Variants in SAMD3 observed in about 807,000 individuals in gnomAD.
SAMD3 encodes sterile alpha motif domain-containing protein 3.
A neutral mutation model predicts 58.5 loss-of-function variants in SAMD3; 63 were observed. The ratio of observed to expected loss-of-function variants is 1.08; its 90% CI spans 0.88 to 1.33. SAMD3 has a LOEUF of 1.33. SAMD3 is among the 40% of genes most tolerant of loss of function. The pLI, the probability that SAMD3 is intolerant of heterozygous loss-of-function variation, is 0.00. For missense variants in SAMD3, 604 were observed against 608.4 expected, an observed-to-expected ratio of 0.99 and a Z score of 0.08; for synonymous variants, 220 against 210.3, an observed-to-expected ratio of 1.05 and a Z score of -0.40.
intron 2 of SAMD3, among the ~76,000 whole-genome samples, chr6:130,263,986 G>A (rs1407303256): frequency 6.6e-6 from 1 of 152,188 alleles, no homozygotes; most frequent in East Asian, 1.9e-4. Context: ...GAGGATCATG[G>A]AAGTTAAAGA....
rs542975794 is a variant in SAMD3 at position 130,311,367 on chromosome 6, G to A, written c.-188+1611C>T. Reference sequence around the variant, plus strand: ...AGTTATTGCCCTCCTGAAGGCACAGGCAAGGAGGGGTTCCTCCAGCCTACT... The same window carrying A: ...AGTTATTGCCCTCCTGAAGGCACAGACAAGGAGGGGTTCCTCCAGCCTACT... On this transcript the variant is annotated intron_variant, in intron 2 of 13. Coordinates refer to the SAMD3 transcript ENST00000368134. Among the ~76,000 whole-genome samples, 256 of 152,300 alleles carry A rather than the reference G, an allele frequency of 1.7e-3. 1 individual carries two copies. Among genetic ancestry groups the A allele is most frequent in the African/African-American group, 5.5e-3 (229 of 41,562 alleles).
At chr6:130,145,134 C>T (rs1294989337) in intron 11 of SAMD3, among the ~76,000 whole-genome samples, 1 of 152,134 alleles carries the variant, frequency 6.6e-6, no homozygotes, top group Admixed American at 6.5e-5. Flanking sequence ...TGGTGCATGC[C>T]TATAATCCCA....
intron 2 of SAMD3, among the ~76,000 whole-genome samples, chr6:130,279,487 CTT>C (rs397886882): frequency 0.17 from 20,630 of 122,936 alleles, 1,275 homozygotes; most frequent in East Asian, 0.32. Flanking sequence ...TCAATTAAAC[CTT>C]TTTTTTTTTT....
chr6:130,329,255 G>A (rs7757227), intron 1 of SAMD3, among the ~76,000 whole-genome samples: 2,771 of 107,304 alleles, frequency 0.026, 80 homozygotes, highest in African/African-American at 0.12. Context: ...CAGAATCAAT[G>A]AATCTCAAAA....
At chr6:130,219,314 A>T (rs536544622) in intron 1 of SAMD3, among the ~76,000 whole-genome samples, 8 of 149,052 alleles carry the variant, frequency 5.4e-5, no homozygotes, top group Admixed American at 1.4e-4. Flanking sequence ...CATTTTTTTT[A>T]AATTACAGGG....
chr6:130,295,417 C>T (rs144606229), intron 2 of SAMD3, among the ~76,000 whole-genome samples: 119 of 152,258 alleles, frequency 7.8e-4, no homozygotes, highest in Middle Eastern at 6.8e-3. Flanking sequence ...CAACTACATC[C>T]ACTAGATAAA....
chr6:130,362,690 A>G (rs1179036559), intron 1 of SAMD3, among the ~76,000 whole-genome samples: 1 of 152,220 alleles, frequency 6.6e-6, no homozygotes, highest in Admixed American at 6.5e-5. Context: ...TGATTATCTA[A>G]TATAGATGAT....
At chr6:130,182,220 T>G (rs545540590) in intron 7 of SAMD3, among the ~76,000 whole-genome samples, 1 of 151,890 alleles carries the variant, frequency 6.6e-6, no homozygotes, top group Non-Finnish European at 1.5e-5. Flanking sequence ...GCCAGGTTTG[T>G]GTAGTATTGT....
intron 1 of SAMD3, among the ~76,000 whole-genome samples, chr6:130,349,008 T>G (rs866651075): frequency 6.6e-6 from 1 of 151,878 alleles, no homozygotes; most frequent in Admixed American, 6.6e-5. Context: ...AAGGCAGAAA[T>G]AAAGATGTTC....
chr6:130,317,767 C>T (rs1266993161), intron 1 of SAMD3, among the ~76,000 whole-genome samples: 1 of 152,118 alleles, frequency 6.6e-6, no homozygotes, highest in Non-Finnish European at 1.5e-5. Context: ...TGTGTGCCGG[C>T]AACAAAGGAC....
intron 2 of SAMD3, among the ~76,000 whole-genome samples, chr6:130,228,149 G>A (rs1313935894): frequency 6.6e-6 from 1 of 152,108 alleles, no homozygotes; most frequent in Non-Finnish European, 1.5e-5. Context: ...ATTATAATAT[G>A]ATATACATGT....
chr6:130,250,541 C>T (rs1479280003), intron 2 of SAMD3, among the ~76,000 whole-genome samples: 2 of 152,094 alleles, frequency 1.3e-5, no homozygotes, highest in Admixed American at 6.6e-5. Context: ...AGTTATATTA[C>T]CCCAAAAAGA....
At chr6:130,169,181 G>C (rs1000722278) in intron 8 of SAMD3, among the ~76,000 whole-genome samples, 4 of 151,946 alleles carry the variant, frequency 2.6e-5, no homozygotes, top group African/African-American at 9.7e-5. Context: ...AATAATGTTG[G>C]TAATCACTCT....
chr6:130,149,877 A>G (rs1788987491), intron 9 of SAMD3, among the ~76,000 whole-genome samples: 1 of 152,222 alleles, frequency 6.6e-6, no homozygotes, highest in Admixed American at 6.5e-5. Flanking sequence ...AAGTTGGAAC[A>G]AAAAGAAAGC....
At position 130,153,647 on chromosome 6, in the gene SAMD3, C is replaced by CATATATATATATATATATATAT. The variant is rs1196709383; in HGVS notation, c.1023+1177_1023+1178insATATATATATATATATATATAT. On this transcript the variant is annotated intron_variant, in intron 9 of 11. Transcript: ENST00000439090. ...TTTGATTGATTTACCCATTAAATTT[C>CATATATATATATATATATATAT]ATATATATATATATATATTTATTTA... Among the ~76,000 whole-genome samples the CATATATATATATATATATATAT allele has an allele frequency of 2.9e-3, 280 of 96,446 alleles. 2 individuals are homozygous for CATATATATATATATATATATAT. The highest frequency in any genetic ancestry group is 4.1e-3 in the Non-Finnish European group (177 of 42,852). 63.3% of individuals were successfully genotyped at this position (96,446 alleles called of 152,430 possible). A position where few individuals can be genotyped will look rare whatever the true frequency, so the allele number is the denominator to read the frequency against.
chr6:130,251,922 T>G (rs1435411788), intron 2 of SAMD3, among the ~76,000 whole-genome samples: 1 of 152,088 alleles, frequency 6.6e-6, no homozygotes, highest in African/African-American at 2.4e-5. Flanking sequence ...TTAGGTCTAG[T>G]GAGTTTATAG....
At chr6:130,301,946 T>C (rs1775762602) in intron 2 of SAMD3, among the ~76,000 whole-genome samples, 1 of 151,998 alleles carries the variant, frequency 6.6e-6, no homozygotes, top group Non-Finnish European at 1.5e-5. Flanking sequence ...AAAAATTAAC[T>C]CAAGAGGAAT....
At chr6:130,156,804 C>T (rs903635053) in intron 8 of SAMD3, among the ~76,000 whole-genome samples, 2 of 152,024 alleles carry the variant, frequency 1.3e-5, no homozygotes, top group African/African-American at 4.8e-5. Context: ...GGCTCTATCT[C>T]TACAAAAACA....
intron 1 of SAMD3, among the ~76,000 whole-genome samples, chr6:130,349,414 G>T (rs1229447358): frequency 6.6e-6 from 1 of 152,160 alleles, no homozygotes; most frequent in Non-Finnish European, 1.5e-5. Context: ...CCAATCCACA[G>T]AAATACAAAC....
Sources: allele counts gnomAD v4.1 joint callset (sites outside exome capture counted in the v4.1 genomes callset), GRCh38; gene constraint gnomAD v4.1.1; transcripts MANE v1.5; gene names NCBI Gene and HGNC (gene_info 2026-07-23, HGNC 2026-07-21).